Variants in FHIT observed in about 807,000 individuals in gnomAD.
FHIT encodes fragile histidine triad diadenosine triphosphatase, also known as bis(5'-adenosyl)-triphosphatase.
In FHIT, 19 loss-of-function variants were observed where a neutral mutation model predicts 17.9. The observed-to-expected ratio is 1.06, with a 90% confidence interval of 0.74 to 1.56. The LOEUF is 1.56. Among genes scored for constraint, FHIT ranks in the 40% most tolerant of loss-of-function variants. The probability of loss-of-function intolerance (pLI) is 0.00; values close to 1 mark genes in which losing one functional copy is unlikely to be tolerated. For missense variants in FHIT, 248 were observed against 189.2 expected (o/e 1.31, Z -1.82); for synonymous variants, 81 against 69.7 (o/e 1.16, Z -0.81).
intron 2 of FHIT, among the ~76,000 whole-genome samples, chr3:61,178,442 T>A (rs2038223788): frequency 6.6e-6 from 1 of 150,914 alleles, no homozygotes; most frequent in African/African-American, 2.4e-5. Flanking sequence ...AGAGGTGTTA[T>A]TTTCAAGAAA....
intron 2 of FHIT, among the ~76,000 whole-genome samples, chr3:61,113,967 A>G (rs563301918): frequency 1.3e-5 from 2 of 152,298 alleles, no homozygotes; most frequent in South Asian, 2.1e-4. Flanking sequence ...AACAAGAGCA[A>G]CTATTATTAC....
chr3:60,890,553 T>C lies in FHIT; in HGVS notation c.-110-68542A>G, dbSNP rs148713257. On this transcript the variant is annotated intron_variant, in intron 3 of 9. Transcript: ENST00000492590. ...TAACTGAAACAATAACCCAAACTGA[T>C]AACCTGAAAATTCATTTTGTAAACC... 3.1e-4 allele frequency among the ~76,000 whole-genome samples: 47 copies of C among 152,332 alleles called. No homozygotes were observed. The East Asian group carries it at 8.5e-3, about 28-fold the overall frequency.
At chr3:59,794,943 C>T (rs562646125) in intron 8 of FHIT, among the ~76,000 whole-genome samples, 4 of 152,128 alleles carry the variant, frequency 2.6e-5, no homozygotes, top group African/African-American at 7.2e-5. Context: ...TAGATAAGCA[C>T]GAGTTAACTT....
At chr3:61,143,315 T>A (rs1343202161) in intron 2 of FHIT, among the ~76,000 whole-genome samples, 1 of 152,206 alleles carries the variant, frequency 6.6e-6, no homozygotes, top group Non-Finnish European at 1.5e-5. Flanking sequence ...AATGTTTATG[T>A]ATAGTGTATG....
At chr3:61,246,068 T>C in intron 1 of FHIT, among the ~76,000 whole-genome samples, 1 of 152,206 alleles carries the variant, frequency 6.6e-6, no homozygotes, top group East Asian at 1.9e-4. Flanking sequence ...TCGTCCTCAC[T>C]GCTATACTCC....
At chr3:60,047,632 C>T (rs1701706441) in intron 5 of FHIT, among the ~76,000 whole-genome samples, 1 of 152,214 alleles carries the variant, frequency 6.6e-6, no homozygotes, top group African/African-American at 2.4e-5. Context: ...GAAACTATGA[C>T]AACCAGAATG....
intron 3 of FHIT, among the ~76,000 whole-genome samples, chr3:60,968,140 T>A (rs1247167788): frequency 6.6e-6 from 1 of 152,208 alleles, no homozygotes; most frequent in Non-Finnish European, 1.5e-5. Context: ...CAGAAATGTG[T>A]TTCTCCTCAC....
At chr3:60,216,326 G>C (rs1035664891) in intron 5 of FHIT, among the ~76,000 whole-genome samples, 1 of 152,142 alleles carries the variant, frequency 6.6e-6, no homozygotes, top group African/African-American at 2.4e-5. Context: ...AGTCAGATCT[G>C]TTTGTTTGTT....
intron 3 of FHIT, among the ~76,000 whole-genome samples, chr3:60,865,271 A>ATTTAAATT (rs1416907206): frequency 1.3e-5 from 2 of 152,206 alleles, no homozygotes; most frequent in African/African-American, 4.8e-5. Flanking sequence ...ATATGTGGCT[A>ATTTAAATT]TTTAAATTTA....
chr3:60,165,646 T>A (rs1326704625), intron 5 of FHIT, among the ~76,000 whole-genome samples: 1 of 152,192 alleles, frequency 6.6e-6, no homozygotes, highest in Non-Finnish European at 1.5e-5. Context: ...AAGATACCTA[T>A]CTTTGCTCAA....
chr3:59,914,494 G>T (rs7349527), intron 8 of FHIT, among the ~76,000 whole-genome samples: 5 of 151,974 alleles, frequency 3.3e-5, no homozygotes, highest in African/African-American at 1.2e-4. Flanking sequence ...AAGAGGTTAC[G>T]GGATTTATTT....
chr3:60,556,623 C>T (rs757966288), intron 4 of FHIT, among the ~76,000 whole-genome samples: 1 of 152,198 alleles, frequency 6.6e-6, no homozygotes, highest in African/African-American at 2.4e-5. Context: ...TAGTGAAAAC[C>T]CCAAAGCTCT....
At chr3:60,149,921 T>G (rs1378499012) in intron 5 of FHIT, among the ~76,000 whole-genome samples, 1 of 151,426 alleles carries the variant, frequency 6.6e-6, no homozygotes, top group East Asian at 1.9e-4. Flanking sequence ...TAATGTCTTC[T>G]GCTGGAGCTT....
chr3:60,888,835 T>C (rs6787911), intron 3 of FHIT, among the ~76,000 whole-genome samples: 2 of 152,072 alleles, frequency 1.3e-5, no homozygotes, highest in Non-Finnish European at 2.9e-5. Flanking sequence ...AGAAATAATA[T>C]AGACAGATCT....
At chr3:60,478,235 C>A (rs2033442893) in intron 5 of FHIT, among the ~76,000 whole-genome samples, 1 of 152,192 alleles carries the variant, frequency 6.6e-6, no homozygotes, top group Admixed American at 6.5e-5. Flanking sequence ...GTTCACACAG[C>A]TACCAAAATT....
At chr3:60,756,387 A>G (rs1553718297) in intron 4 of FHIT, among the ~76,000 whole-genome samples, 1 of 152,234 alleles carries the variant, frequency 6.6e-6, no homozygotes, top group Admixed American at 6.5e-5. Context: ...TGCTGTCTAC[A>G]TTTGTCTGGC....
At chr3:61,175,061 GTT>G (rs2038117541) in intron 2 of FHIT, among the ~76,000 whole-genome samples, 1 of 152,024 alleles carries the variant, frequency 6.6e-6, no homozygotes, top group South Asian at 2.1e-4. Context: ...CTCACGAAAG[GTT>G]AAGAAAAGAA....
At chr3:60,362,523 T>C (rs1327817548) in intron 5 of FHIT, among the ~76,000 whole-genome samples, 2 of 152,208 alleles carry the variant, frequency 1.3e-5, no homozygotes, top group African/African-American at 4.8e-5. Context: ...TTATTGTGGA[T>C]AAGGACAGTG....
intron 2 of FHIT, among the ~76,000 whole-genome samples, chr3:61,085,502 T>C (rs1226688825): frequency 6.6e-6 from 1 of 152,162 alleles, no homozygotes; most frequent in Non-Finnish European, 1.5e-5. Flanking sequence ...AAGAATTCTT[T>C]ATATATTCTT....
Sources: gnomAD v4.1 joint callset for allele counts (sites outside exome capture counted in the v4.1 genomes callset) on GRCh38, gnomAD v4.1.1 for gene constraint, MANE v1.5 for transcripts, NCBI Gene and HGNC (gene_info 2026-07-23, HGNC 2026-07-21) for gene names.